The following DEPDC1 variants were observed in gnomAD, a reference collection of about 807,000 sequenced individuals.
DEPDC1 encodes the protein DEP domain containing 1.
A neutral mutation model predicts 86.8 loss-of-function variants in DEPDC1; 66 were observed. That is an observed-to-expected ratio of 0.76 (90% CI 0.62 to 0.93). The LOEUF is 0.93. Among genes scored for constraint, DEPDC1 ranks in the 40% least tolerant of loss-of-function variants. DEPDC1 has a pLI of 0.00. For missense variants in DEPDC1, 792 were observed against 935.7 expected, an observed-to-expected ratio of 0.85 and a Z score of 2.00; for synonymous variants, 255 against 314.9, an observed-to-expected ratio of 0.81 and a Z score of 2.02.
rs772858841 is a variant in DEPDC1 at position 68,477,965 on chromosome 1, T to C, written c.2120A>G (p.Asn707Ser). The change falls in exon 11 of 12, where the codon AAT (asparagine) becomes AGT (serine). Residue 707 changes from asparagine (N) to serine (S), a missense_variant. Transcript: ENST00000456315. ...LDYLKKGHIE[N>S]PGDGLFAPLP... ...AGGAGCAAATAGTCCATCTCCAGGATTTTCAATCTGTAGTGATCAAAATGA... is the reference window on the plus strand; with the variant it reads ...AGGAGCAAATAGTCCATCTCCAGGACTTTCAATCTGTAGTGATCAAAATGA... 1.9e-6 allele frequency: 3 copies of C among 1,541,584 alleles called. No individual in the cohort carries two copies. In the South Asian group the frequency reaches 4.0e-5, roughly 21 times the overall value.
chr1:68,486,876 A>G, intron 6 of DEPDC1, 61 bp downstream of exon 6: 2 of 1,311,016 alleles, frequency 1.5e-6, no homozygotes, highest in East Asian at 2.8e-5. Context: ...AAATACTATC[A>G]ATATAACACA....
In DEPDC1 at chr1:68,475,723, A is replaced by G. The variant is rs1646110602; in HGVS notation, c.*1209T>C. The G allele has an allele frequency of 6.6e-6, 1 of 151,876 alleles. No homozygotes were observed. Among genetic ancestry groups the G allele is most frequent in the Non-Finnish European group, 1.5e-5 (1 of 67,834 alleles). The allele number at this position is 151,876 out of a possible 1,614,324, so 9.4% of individuals were successfully genotyped here. A position where few individuals can be genotyped will look rare whatever the true frequency, so the allele number is the denominator to read the frequency against. On this transcript the variant is annotated 3_prime_UTR_variant, in exon 12 of 12. Coordinates refer to ENST00000456315, the MANE Select transcript of DEPDC1 (RefSeq NM_001114120.3). Reference sequence around the variant, plus strand: ...AAGTCAATCAAGCAGAAACCTGAAGAACCTTGTTTTAAGATGAGAGTCATT... The same window carrying G: ...AAGTCAATCAAGCAGAAACCTGAAGGACCTTGTTTTAAGATGAGAGTCATT...
At chr1:68,494,037 A>G (rs1452523941) in intron 2 of DEPDC1, among the ~76,000 whole-genome samples, 2 of 152,172 alleles carry the variant, frequency 1.3e-5, no homozygotes, top group Non-Finnish European at 2.9e-5. Context: ...AAGATTTGCT[A>G]TTATCCTATT....
intron 2 of DEPDC1, among the ~76,000 whole-genome samples, chr1:68,494,135 A>G (rs1646247369): frequency 6.6e-6 from 1 of 152,220 alleles, no homozygotes; most frequent in African/African-American, 2.4e-5. Context: ...GGTCAGTAAT[A>G]TGTCCTTAAA....
intron 9 of DEPDC1, among the ~76,000 whole-genome samples, chr1:68,480,109 T>C (rs1394035557): frequency 6.6e-5 from 10 of 152,052 alleles, no homozygotes; most frequent in African/African-American, 9.7e-5. Flanking sequence ...AAAATGTTTA[T>C]TCTGTCAGTC....
At chr1:68,479,345 AT>A in intron 9 of DEPDC1, 25 bp from the exon 10 acceptor site, 1 of 1,526,314 alleles carries the variant, frequency 6.6e-7, no homozygotes, top group Non-Finnish European at 8.9e-7. Context: ...AAAGATGTGA[AT>A]TTAAAAAGCT....
chr1:68,491,403 A>G (rs1002919458), intron 2 of DEPDC1, among the ~76,000 whole-genome samples: 6 of 152,352 alleles, frequency 3.9e-5, no homozygotes, highest in African/African-American at 1.4e-4. Flanking sequence ...TGCAGCCAAC[A>G]AGCATATGAA....
intron 6 of DEPDC1, among the ~76,000 whole-genome samples, 154 bp from the exon 7 acceptor site, chr1:68,484,244 C>A (rs1020450264): frequency 2.0e-5 from 3 of 152,046 alleles, no homozygotes; most frequent in Non-Finnish European, 4.4e-5. Context: ...GTATTTCATT[C>A]TTCCTCATTA....
intron 10 of DEPDC1, 118 bp from the exon 11 acceptor site, chr1:68,478,090 TA>T: frequency 1.5e-6 from 1 of 682,956 alleles, no homozygotes. Flanking sequence ...ATTCAGCCAT[TA>T]AAAAAACTAT....
Position 68,489,716 on chromosome 1 carries a change from CAAGT to C in DEPDC1, c.315-112_315-109del, listed in dbSNP as rs1381110032. ...AAAGAGCCTGACTTATTAATACTAC[CAAGT>C]AATAAAGATTCTAGACAAATAAATT... On this transcript the variant is annotated intron_variant, in intron 2 of 11. Coordinates refer to ENST00000456315, the MANE Select transcript of DEPDC1 (RefSeq NM_001114120.3). 4.2e-6 allele frequency: 3 copies of C among 721,782 alleles called. No individual in the cohort carries two copies. The African/African-American group carries it at 5.7e-5, about 14-fold the overall frequency. The allele number at this position is 721,782 out of a possible 1,614,324, so 44.7% of individuals were successfully genotyped here.
rs1646167077 is a variant in DEPDC1 at position 68,482,870 on chromosome 1, T to G, written c.938A>C (p.Asp313Ala). The part of the protein sequence containing the change: ...LVVCGYITVS[D>A]RSSGIHKIQD... The stretch of plus-strand genomic sequence containing the variant: ...AATTTTATGTATCCCACTGGATCTA[T>G]CTGAAACTGTGATGTAGCCACAAAC... Residue 313 changes from aspartate (D) to alanine (A), a missense_variant, in exon 8 of 12, where the codon GAT (aspartate) becomes GCT (alanine). Asp to Ala is a moderately radical substitution (Grantham distance 126, BLOSUM62 -2). Transcript: ENST00000456315. 6.3e-7 allele frequency: 1 copy of G among 1,581,406 alleles called. No homozygotes were observed. The highest frequency in any genetic ancestry group is 8.6e-7 in the Non-Finnish European group (1 of 1,165,734).
Position 68,496,843 on chromosome 1 carries a change from G to T in DEPDC1, c.48+109C>A. On this transcript the variant is annotated intron_variant, in intron 1 of 11. Transcript: ENST00000456315. The surrounding 1 kb of genome is among the most constrained non-coding windows in gnomAD (Gnocchi z 4.0). ...TTTTCACTGAACCTAGGGATCCTGG[G>T]ACTCATCCCTCCGACCGAGGTAAAA... The T allele has an allele frequency of 9.4e-7, 1 of 1,062,944 alleles. No homozygotes were observed. The highest frequency in any genetic ancestry group is 1.4e-6 in the Non-Finnish European group (1 of 707,682). The allele number at this position is 1,062,944 out of a possible 1,614,324, so 65.8% of individuals were successfully genotyped here. A position where few individuals can be genotyped will look rare whatever the true frequency, so the allele number is the denominator to read the frequency against.
Position 68,497,048 on chromosome 1 carries a change from G to A in DEPDC1, c.-49C>T, listed in dbSNP as rs775857167. 1 of 1,599,116 alleles carries A rather than the reference G, an allele frequency of 6.3e-7. No homozygotes were observed. Among genetic ancestry groups the A allele is most frequent in the South Asian group, 1.1e-5 (1 of 90,630 alleles). On this transcript the variant is annotated 5_prime_UTR_variant, in exon 1 of 12. Transcript: ENST00000456315. ...TCCATGGCGGCGAAGGCGACACTCA[G>A]GCCCAGCGGCCGCGGCAGTGGCGAG...
At chr1:68,478,444 GTAT>G in intron 10 of DEPDC1, among the ~76,000 whole-genome samples, 1 of 99,950 alleles carries the variant, frequency 1.0e-5, no homozygotes, top group South Asian at 2.6e-4. Flanking sequence ...TAGTTTTCAT[GTAT>G]TTTTTTTTTT....
intron 7 of DEPDC1, chr1:68,483,562 T>C (rs1646172573): frequency 6.5e-6 from 2 of 308,838 alleles, no homozygotes; most frequent in African/African-American, 2.2e-5. Flanking sequence ...AGTGAACACA[T>C]GGATGTGCTG....
chr1:68,486,210 T>G (rs528610834), intron 6 of DEPDC1, among the ~76,000 whole-genome samples: 1 of 152,130 alleles, frequency 6.6e-6, no homozygotes, highest in South Asian at 2.1e-4. Flanking sequence ...GATTGAATCA[T>G]GGGGGTGTAT....
At chr1:68,478,562 T>C (rs889466559) in intron 10 of DEPDC1, among the ~76,000 whole-genome samples, 5 of 151,948 alleles carry the variant, frequency 3.3e-5, no homozygotes, top group African/African-American at 1.2e-4. Flanking sequence ...TAGAATGGTA[T>C]GTATGGGAAA....
At position 68,494,536 on chromosome 1, in the gene DEPDC1, G is replaced by A; in HGVS notation, c.208C>T (p.Gln70Ter). The A allele has an allele frequency of 6.2e-7, 1 of 1,613,654 alleles. No individual in the cohort carries two copies. The highest frequency in any genetic ancestry group is 8.5e-7 in the Non-Finnish European group (1 of 1,179,760). ...NSNFGPEVTR[Q>*]QTIQLLRKFL... ...TTCCTCAACAGTTGGATAGTCTGTT[G>A]CCTTGTAACTTCAGGACCAAAATTG... The change falls in exon 2 of 12, where the codon CAA becomes TAA. Residue 70 changes from glutamine (Q) to a stop codon, truncating the protein, a stop_gained. Transcript: ENST00000456315. LOFTEE classifies it high-confidence loss of function.
chr1:68,486,886 A>G, intron 6 of DEPDC1, 51 bp downstream of exon 6: 1 of 785,584 alleles, frequency 1.3e-6, no homozygotes, highest in Admixed American at 4.9e-5. Context: ...AATATAACAC[A>G]CACACACACA....
Sources: allele counts gnomAD v4.1 joint callset (sites outside exome capture counted in the v4.1 genomes callset), GRCh38; gene constraint gnomAD v4.1.1; non-coding constraint Gnocchi (gnomAD v3.1); transcripts MANE v1.5; gene names NCBI Gene and HGNC (gene_info 2026-07-23, HGNC 2026-07-21).